The following STK3 variants were observed in gnomAD, a reference collection of about 807,000 sequenced individuals.
STK3 encodes the protein serine/threonine-protein kinase 3.
Under a neutral mutation model 58.0 loss-of-function variants are expected in STK3, and 41 were observed. That is an observed-to-expected ratio of 0.71 (90% CI 0.55 to 0.92). STK3 has a LOEUF of 0.92. Among genes scored for constraint, STK3 ranks in the 40% least tolerant of loss-of-function variants. The probability of loss-of-function intolerance (pLI) is 0.00; values close to 1 mark genes in which losing one functional copy is unlikely to be tolerated. For synonymous variants in STK3, 170 were observed against 191.0 expected (o/e 0.89, Z 0.91); for missense variants, 479 against 602.7 (o/e 0.79, Z 2.15).
At position 98,795,507 on chromosome 8, in the gene STK3, C is replaced by A. The variant is rs137907173; in HGVS notation, c.27-20688G>T. On this transcript the variant is annotated intron_variant, in intron 1 of 10. Transcript: ENST00000419617. ...AAGACAAGGATGCCCACTCTTAGCACCCCTATTGAACACAGTACTGGAAGT... is the reference window on the plus strand; with the variant it reads ...AAGACAAGGATGCCCACTCTTAGCAACCCTATTGAACACAGTACTGGAAGT... Among the ~76,000 whole-genome samples, 1,269 of 152,092 alleles carry A rather than the reference C, an allele frequency of 8.3e-3. 7 individuals are homozygous for A. Among genetic ancestry groups the A allele is most frequent in the Non-Finnish European group, 0.012 (844 of 68,010 alleles).
At chr8:98,936,339 G>A (rs1432699333) in intron 1 of STK3, among the ~76,000 whole-genome samples, 1 of 151,966 alleles carries the variant, frequency 6.6e-6, no homozygotes, top group Non-Finnish European at 1.5e-5. Flanking sequence ...TTGGATCCAG[G>A]GTTTCTGATG....
rs897228238 is a variant in STK3, at chr8:98,668,721, C to T, written c.684+37746G>A. Among the ~76,000 whole-genome samples the T allele has an allele frequency of 6.6e-5, 10 of 152,112 alleles. No individual in the cohort carries two copies. In the East Asian group the frequency reaches 1.7e-3, roughly 26 times the overall value. ...AGTTAGTTTAAAATAATCTCACTTGCATATAATTATAAAATTACTATACTC... is the reference window on the plus strand; with the variant it reads ...AGTTAGTTTAAAATAATCTCACTTGTATATAATTATAAAATTACTATACTC... On this transcript the variant is annotated intron_variant, in intron 6 of 10. Transcript: ENST00000419617.
At chr8:98,464,777 T>C (rs1820337443) in intron 10 of STK3, among the ~76,000 whole-genome samples, 1 of 152,040 alleles carries the variant, frequency 6.6e-6, no homozygotes, top group Non-Finnish European at 1.5e-5. Flanking sequence ...GATAACACTA[T>C]AGAAGAAAAG....
chr8:98,917,088 A>T (rs547737394), intron 1 of STK3, among the ~76,000 whole-genome samples: 1 of 152,330 alleles, frequency 6.6e-6, no homozygotes, highest in Non-Finnish European at 1.5e-5. Context: ...GAGCACAATG[A>T]GCAAGGGAGA....
chr8:98,603,701 C>A (rs1156766032), intron 6 of STK3, among the ~76,000 whole-genome samples: 1 of 151,884 alleles, frequency 6.6e-6, no homozygotes, highest in Non-Finnish European at 1.5e-5. Context: ...GGATATCTGT[C>A]CCCTCCAAAT....
At chr8:98,697,453 G>T (rs1022171771) in intron 6 of STK3, among the ~76,000 whole-genome samples, 1 of 152,134 alleles carries the variant, frequency 6.6e-6, no homozygotes, top group African/African-American at 2.4e-5. Flanking sequence ...TGATGTTAGG[G>T]TGTCAATTTT....
At chr8:98,852,201 G>T (rs1564061601) in intron 3 of STK3, among the ~76,000 whole-genome samples, 1 of 151,232 alleles carries the variant, frequency 6.6e-6, no homozygotes, top group Non-Finnish European at 1.5e-5. Flanking sequence ...GCAATGGCGT[G>T]ATCTTGGCTC....
At chr8:98,434,776 T>C (rs1430205426) in intron 2 of STK3, among the ~76,000 whole-genome samples, 1 of 147,160 alleles carries the variant, frequency 6.8e-6, no homozygotes. Flanking sequence ...GAAGGAACAG[T>C]GGATAAAAAG....
chr8:98,726,736 G>T (rs893524425), intron 4 of STK3, among the ~76,000 whole-genome samples: 22 of 152,080 alleles, frequency 1.4e-4, no homozygotes, highest in Non-Finnish European at 2.6e-4. Context: ...AGAACCATGG[G>T]TCTTTCCACT....
chr8:98,892,717 T>C (rs1838242208), intron 1 of STK3, among the ~76,000 whole-genome samples: 2 of 152,246 alleles, frequency 1.3e-5, no homozygotes, highest in Admixed American at 1.3e-4. Context: ...CATCTGACTC[T>C]AATTCTTTCT....
intron 6 of STK3, among the ~76,000 whole-genome samples, chr8:98,660,868 TC>T (rs1821918588): frequency 6.6e-6 from 1 of 151,944 alleles, no homozygotes; most frequent in African/African-American, 2.4e-5. Flanking sequence ...GGACTTCCTC[TC>T]CCTCCTCAAA....
At chr8:98,746,957 G>C (rs759320400) in intron 4 of STK3, among the ~76,000 whole-genome samples, 1 of 151,408 alleles carries the variant, frequency 6.6e-6, no homozygotes. Context: ...CTGGAGGATC[G>C]CTTGAGCCCA....
At chr8:98,432,738 C>A (rs1818354624) in intron 3 of STK3, 1 of 167,076 alleles carries the variant, frequency 6.0e-6, no homozygotes, top group Non-Finnish European at 1.5e-5. Context: ...GTTTTAACAG[C>A]ATGACTTCTT....
At chr8:98,661,238 A>G (rs539044878) in intron 6 of STK3, among the ~76,000 whole-genome samples, 72 of 152,286 alleles carry the variant, frequency 4.7e-4, no homozygotes, top group African/African-American at 1.7e-3. Flanking sequence ...ACTAAAGGAA[A>G]TACAGCCTCT....
At chr8:98,346,276 C>G in the STK3 span, among the ~76,000 whole-genome samples, 1 of 127,046 alleles carries the variant, frequency 7.9e-6, no homozygotes, top group Non-Finnish European at 1.7e-5. Context: ...CAGAGCAAGA[C>G]TCCGTCTCAA....
intron 6 of STK3, among the ~76,000 whole-genome samples, chr8:98,692,420 T>C (rs2130956225): frequency 6.6e-6 from 1 of 152,304 alleles, no homozygotes; most frequent in African/African-American, 2.4e-5. Context: ...CTATGACTTG[T>C]ATAAATTATT....
chr8:98,859,311 T>C (rs917661724), intron 3 of STK3, among the ~76,000 whole-genome samples: 1 of 152,214 alleles, frequency 6.6e-6, no homozygotes, highest in Non-Finnish European at 1.5e-5. Flanking sequence ...ATCTCTACAT[T>C]TGAAAATGAT....
intron 3 of STK3, among the ~76,000 whole-genome samples, chr8:98,856,361 A>G (rs1242006884): frequency 1.2e-4 from 18 of 152,016 alleles, no homozygotes. Flanking sequence ...AATAATAAAA[A>G]GCCAAATAAC....
chr8:98,367,686 G>T (rs540350863), downstream of STK3, among the ~76,000 whole-genome samples: 1 of 152,300 alleles, frequency 6.6e-6, no homozygotes, highest in Non-Finnish European at 1.5e-5. Context: ...TTTAGTGACT[G>T]CCATGTCAAC....
Sources: gnomAD v4.1 joint callset for allele counts (sites outside exome capture counted in the v4.1 genomes callset) on GRCh38, gnomAD v4.1.1 for gene constraint, MANE v1.5 for transcripts, NCBI Gene and HGNC (gene_info 2026-07-23, HGNC 2026-07-21) for gene names.